UBXN7: variants seen among roughly 807,000 people sequenced by gnomAD.
UBXN7 encodes UBX domain-containing protein 7.
A neutral mutation model predicts 58.0 loss-of-function variants in UBXN7; 9 were observed. The ratio of observed to expected loss-of-function variants is 0.16; its 90% confidence interval spans 0.09 to 0.27. The LOEUF (loss-of-function observed/expected upper bound fraction) is 0.27. UBXN7 is among the 10% of genes least tolerant of loss of function. The pLI is 1.00. For missense variants in UBXN7, 328 were observed against 599.6 expected (o/e 0.55, Z 4.73); for synonymous variants, 208 against 205.0 (o/e 1.01, Z -0.12).
At chr3:196,388,887 T>C (rs1729493180) in intron 5 of UBXN7, among the ~76,000 whole-genome samples, 1 of 152,080 alleles carries the variant, frequency 6.6e-6, no homozygotes, top group Non-Finnish European at 1.5e-5. Context: ...TTTATTTCAT[T>C]TAAAGTCTTG....
At chr3:196,427,620 C>T (rs925429316) in intron 1 of UBXN7, among the ~76,000 whole-genome samples, 1 of 152,174 alleles carries the variant, frequency 6.6e-6, no homozygotes, top group Non-Finnish European at 1.5e-5. Context: ...CACCTGGCTT[C>T]AAAACATTTT....
At chr3:196,429,559 A>G (rs1730958938) in intron 1 of UBXN7, among the ~76,000 whole-genome samples, 1 of 152,160 alleles carries the variant, frequency 6.6e-6, no homozygotes. Context: ...TTACAAGAAT[A>G]TTGAGCTTCC....
At chr3:196,421,972 G>A (rs1730703681) in intron 1 of UBXN7, among the ~76,000 whole-genome samples, 1 of 152,122 alleles carries the variant, frequency 6.6e-6, no homozygotes, top group Non-Finnish European at 1.5e-5. Context: ...GTTGAGGCGG[G>A]CAGATCACTT....
intron 5 of UBXN7, among the ~76,000 whole-genome samples, chr3:196,380,787 T>C (rs1729183277): frequency 6.6e-6 from 1 of 152,192 alleles, no homozygotes; most frequent in Non-Finnish European, 1.5e-5. Context: ...AAATACCGCA[T>C]TTTTCCCAAG....
rs1577447221 is a variant in UBXN7 at position 196,380,674 on chromosome 3, T to A, written c.469-8632A>T. On this transcript the variant is annotated intron_variant, in intron 5 of 10. Transcript: ENST00000296328. Reference sequence around the variant, plus strand: ...GAGGGCGAGCTGAAGCAGGGCAGCGTGCCGCCTCACCTGGGAAGTGCAAGG... The same window carrying A: ...GAGGGCGAGCTGAAGCAGGGCAGCGAGCCGCCTCACCTGGGAAGTGCAAGG... Among the ~76,000 whole-genome samples the A allele has an allele frequency of 5.9e-5, 9 of 152,380 alleles. No homozygotes were observed. In the South Asian group the frequency reaches 1.9e-3, roughly 32 times the overall value.
intron 5 of UBXN7, among the ~76,000 whole-genome samples, chr3:196,389,884 T>A (rs111294323): frequency 6.6e-6 from 1 of 152,210 alleles, no homozygotes; most frequent in African/African-American, 2.4e-5. Flanking sequence ...TAAAAAAAAA[T>A]AATCATAACA....
At chr3:196,368,420 C>T (rs1728728643) in intron 7 of UBXN7, among the ~76,000 whole-genome samples, 1 of 152,112 alleles carries the variant, frequency 6.6e-6, no homozygotes, top group Admixed American at 6.6e-5. Context: ...TCTTTCTGAA[C>T]ATTCTCATTA....
intron 5 of UBXN7, 58 bp downstream of exon 5, chr3:196,391,755 A>C: frequency 1.5e-6 from 2 of 1,317,146 alleles, no homozygotes; most frequent in Non-Finnish European, 2.1e-6. Context: ...TTTTTAAAAA[A>C]AGGCATTGAA....
chr3:196,431,263 A>G (rs1418779640), intron 1 of UBXN7: 1 of 152,190 alleles, frequency 6.6e-6, no homozygotes, highest in Non-Finnish European at 1.5e-5. Flanking sequence ...AAAACGACAA[A>G]CTAGAACGGC....
At chr3:196,409,005 A>G (rs1730245265) in intron 1 of UBXN7, among the ~76,000 whole-genome samples, 1 of 151,978 alleles carries the variant, frequency 6.6e-6, no homozygotes, top group Non-Finnish European at 1.5e-5. Context: ...ATTCATACTT[A>G]TTTCCTCTGT....
chr3:196,423,982 C>T (rs1261581903), intron 1 of UBXN7, among the ~76,000 whole-genome samples: 2 of 150,976 alleles, frequency 1.3e-5, no homozygotes, highest in African/African-American at 4.9e-5. Context: ...CTCTGACTCC[C>T]GGGTTCCAGC....
intron 1 of UBXN7, among the ~76,000 whole-genome samples, chr3:196,429,396 A>C (rs1355518726): frequency 2.0e-5 from 3 of 152,152 alleles, no homozygotes; most frequent in African/African-American, 4.8e-5. Context: ...CTATTCAGTA[A>C]GAAATAAGAC....
chr3:196,388,707 G>A (rs1385671521), intron 5 of UBXN7, among the ~76,000 whole-genome samples: 1 of 152,036 alleles, frequency 6.6e-6, no homozygotes, highest in Non-Finnish European at 1.5e-5. Flanking sequence ...TCTAATATGA[G>A]GAACAAACCT....
intron 1 of UBXN7, among the ~76,000 whole-genome samples, chr3:196,420,837 C>G: frequency 6.6e-6 from 1 of 152,320 alleles, no homozygotes; most frequent in South Asian, 2.1e-4. Flanking sequence ...ATTGTCTACA[C>G]TACTCTCAGT....
intron 1 of UBXN7, among the ~76,000 whole-genome samples, chr3:196,409,922 A>G (rs1730269026): frequency 6.6e-6 from 1 of 150,508 alleles, no homozygotes; most frequent in Admixed American, 6.8e-5. Flanking sequence ...GCTAACCAAT[A>G]ATGTATTTTA....
intron 5 of UBXN7, among the ~76,000 whole-genome samples, chr3:196,388,246 G>A (rs148432838): frequency 2.8e-5 from 4 of 143,946 alleles, no homozygotes; most frequent in Non-Finnish European, 6.0e-5. Context: ...TGAACAATGA[G>A]ATCACTTGGA....
In UBXN7 at chr3:196,361,771, C is replaced by A. The variant is rs558278884; in HGVS notation, c.1308+73G>T. On this transcript the variant is annotated intron_variant, in intron 10 of 10. Transcript: ENST00000296328. ...AATGTAAACATAACTTTTATATGCA[C>A]CAGGAAACCAAACAATTTGGGACTC... The A allele has an allele frequency of 5.3e-6, 7 of 1,331,164 alleles. No homozygotes were observed. The East Asian group carries it at 9.2e-5, about 18-fold the overall frequency. The allele number at this position is 1,331,164 out of a possible 1,614,324, so 82.5% of individuals were successfully genotyped here.
intron 1 of UBXN7, chr3:196,431,752 C>T: frequency 2.2e-6 from 1 of 450,188 alleles, no homozygotes; most frequent in Non-Finnish European, 4.5e-6. Context: ...CGGCCTGTCC[C>T]CCGTGAAGTG....
intron 8 of UBXN7, among the ~76,000 whole-genome samples, chr3:196,364,362 T>C (rs146188948): frequency 1.7e-3 from 263 of 152,324 alleles, no homozygotes; most frequent in African/African-American, 6.2e-3. Context: ...GACATTGTGA[T>C]AGTATTTTTA....
Sources: allele counts gnomAD v4.1 joint callset (sites outside exome capture counted in the v4.1 genomes callset), GRCh38; gene constraint gnomAD v4.1.1; transcripts MANE v1.5; gene names NCBI Gene and HGNC (gene_info 2026-07-23, HGNC 2026-07-21).